AKAP9: variants seen among roughly 807,000 people sequenced by gnomAD.
AKAP9 encodes the protein A-kinase anchor protein 9.
A neutral mutation model predicts 488.5 loss-of-function variants in AKAP9; 311 were observed. The observed-to-expected ratio is 0.64, with a 90% CI of 0.58 to 0.70. AKAP9 has a LOEUF of 0.70. Among genes scored for constraint, AKAP9 ranks in the 30% least tolerant of loss-of-function variants. AKAP9 has a pLI of 0.00. For missense variants in AKAP9, 4,215 were observed against 4,374.5 expected (o/e 0.96, Z 1.03); for synonymous variants, 1,462 against 1,483.5 (o/e 0.99, Z 0.33).
At chr7:91,962,030 A>G (rs1584592927) in intron 1 of AKAP9, among the ~76,000 whole-genome samples, 1 of 152,320 alleles carries the variant, frequency 6.6e-6, no homozygotes, top group East Asian at 1.9e-4. Context: ...TAACATTTTT[A>G]TAATTGGCTT....
At chr7:92,095,293 C>A in intron 40 of AKAP9, 120 bp downstream of exon 40, 2 of 1,115,390 alleles carry the variant, frequency 1.8e-6, no homozygotes, top group East Asian at 2.5e-5. Flanking sequence ...GTAAGTTGTT[C>A]ACTGTGCATT....
intron 22 of AKAP9, among the ~76,000 whole-genome samples, chr7:92,054,471 C>T (rs1808455130): frequency 6.6e-6 from 1 of 151,832 alleles, no homozygotes; most frequent in African/African-American, 2.4e-5. Context: ...ACTCTGAGAC[C>T]AGAGAAGAGA....
intron 22 of AKAP9, among the ~76,000 whole-genome samples, chr7:92,060,563 T>G (rs1809595206): frequency 6.6e-6 from 1 of 152,140 alleles, no homozygotes; most frequent in Non-Finnish European, 1.5e-5. Flanking sequence ...TCTATCATCT[T>G]AAAAAATTGT....
chr7:92,108,342 C>T lies in AKAP9; in HGVS notation c.11547-152C>T, dbSNP rs1818865965. On this transcript the variant is annotated intron_variant, in intron 48 of 49. Transcript: ENST00000356239. ...GAATTCATTGGAGAGTTGTCTCTTT[C>T]TCATCCCAAGCTCCAAAGCTGAAGC... 8 of 746,138 alleles carry T rather than the reference C, an allele frequency of 1.1e-5. No individual in the cohort carries two copies. The Admixed American group carries it at 1.6e-4, about 15-fold the overall frequency. 46.2% of individuals were successfully genotyped at this position (746,138 alleles called of 1,614,324 possible).
At position 92,079,466 on chromosome 7, in the gene AKAP9, A is replaced by G; in HGVS notation, c.7333A>G (p.Ser2445Gly). ...RERESVEKIQ[S>G]IPENSVNVAI... is the part of the protein sequence containing the mutation. The stretch of plus-strand genomic sequence containing the variant: ...ACGTGAAAGTGTGGAAAAGATTCAA[A>G]GCATACCAGAGAATAGTGTTAACGT... Residue 2445 changes from serine to glycine, a missense_variant, in exon 31 of 50, where the codon AGC (serine) becomes GGC (glycine). By Grantham distance (56) the Ser-to-Gly change is moderately conservative. Around this residue, in one of 5 missense-constraint regions of AKAP9, gnomAD observed 1,476 missense variants for 1,477.4 expected, o/e 1.00. Coordinates refer to ENST00000356239, the MANE Select transcript of AKAP9 (RefSeq NM_005751.5). 3 of 1,614,038 alleles carry G rather than the reference A, an allele frequency of 1.9e-6. No individual in the cohort carries two copies. The highest frequency in any genetic ancestry group is 8.5e-7 in the Non-Finnish European group (1 of 1,179,994).
chr7:92,086,228 G>A lies in AKAP9; in HGVS notation c.9025G>A (p.Val3009Ile). The change falls in exon 37 of 50, where the codon GTT becomes ATT. Residue 3009 changes from valine to isoleucine, a missense_variant and splice_region_variant. Physicochemically the swap from Val to Ile is conservative, Grantham distance 29. Coordinates refer to ENST00000356239, the MANE Select transcript of AKAP9 (RefSeq NM_005751.5). Reference protein sequence around the residue: ...TKMQLQREAEVYDSSQSHESF... With the variant: ...TKMQLQREAEIYDSSQSHESF... ...ACTATCGTTATATGTACTTTGCTAG[G>A]TTTATGATAGTTCTCAATCTCATGA... The A allele has an allele frequency of 1.9e-6, 3 of 1,613,210 alleles. No individual in the cohort carries two copies. Among genetic ancestry groups the A allele is most frequent in the Non-Finnish European group, 2.5e-6 (3 of 1,179,226 alleles).
Position 91,940,905 on chromosome 7 carries a change from G to A in AKAP9, c.-195G>A, listed in dbSNP as rs1267949025. On this transcript the variant is annotated 5_prime_UTR_variant, in exon 1 of 50. Transcript: ENST00000356239. ...AGATGGCGGCGGCGGCGGCGGTGAC[G>A]GCGCTTCCCGTGCGGCTGAGGACGA... The A allele has an allele frequency of 9.5e-6, 6 of 632,296 alleles. No individual in the cohort carries two copies. Among genetic ancestry groups the A allele is most frequent in the Admixed American group, 2.6e-5 (1 of 37,800 alleles). The allele number at this position is 632,296 out of a possible 1,614,324, so 39.2% of individuals were successfully genotyped here.
chr7:92,003,336 A>C (rs1399960908), intron 8 of AKAP9, 101 bp downstream of exon 8: 22 of 901,078 alleles, frequency 2.4e-5, no homozygotes, highest in Non-Finnish European at 3.7e-5. Flanking sequence ...TCCTTACAAG[A>C]GAATGAAAAT....
At position 92,102,542 on chromosome 7, in the gene AKAP9, C is replaced by G. The variant is rs909831004; in HGVS notation, c.11098-52C>G. The G allele has an allele frequency of 6.0e-6, 9 of 1,502,174 alleles. No homozygotes were observed. The Admixed American group carries it at 6.7e-5, about 11-fold the overall frequency. 93.1% of individuals were successfully genotyped at this position (1,502,174 alleles called of 1,614,324 possible). Reference sequence around the variant, plus strand: ...ATCTAGGTTATTTTCCCCTAGAGAGCAGGGTGAATGTTTTCTTAATGTCTT... The same window carrying G: ...ATCTAGGTTATTTTCCCCTAGAGAGGAGGGTGAATGTTTTCTTAATGTCTT... On this transcript the variant is annotated intron_variant, in intron 45 of 49. Coordinates refer to ENST00000356239, the MANE Select transcript of AKAP9 (RefSeq NM_005751.5).
chr7:92,093,447 A>T lies in AKAP9; in HGVS notation c.9578+131A>T, dbSNP rs558375638. On this transcript the variant is annotated intron_variant, in intron 39 of 49. Coordinates refer to ENST00000356239, the MANE Select transcript of AKAP9 (RefSeq NM_005751.5). Reference sequence around the variant, plus strand: ...GCATGCAACTGTTTTTTTTAGGAAAAACTATAATAGAAAAAACTCTAAATG... The same window carrying T: ...GCATGCAACTGTTTTTTTTAGGAAATACTATAATAGAAAAAACTCTAAATG... The T allele has an allele frequency of 3.8e-5, 30 of 796,526 alleles. No homozygotes were observed. In the South Asian group the frequency reaches 4.4e-4, roughly 12 times the overall value. The allele number at this position is 796,526 out of a possible 1,614,324, so 49.3% of individuals were successfully genotyped here.
At chr7:92,056,802 G>A (rs895219066) in intron 22 of AKAP9, among the ~76,000 whole-genome samples, 2 of 151,666 alleles carry the variant, frequency 1.3e-5, no homozygotes, top group Admixed American at 6.6e-5. Flanking sequence ...GATTTGTGTT[G>A]GTATTACCTA....
At chr7:91,984,520 T>G (rs952326079) in intron 3 of AKAP9, among the ~76,000 whole-genome samples, 59 of 152,190 alleles carry the variant, frequency 3.9e-4, no homozygotes, top group Admixed American at 3.2e-3. Context: ...TCATGCTGTT[T>G]TGGTTACTGT....
intron 12 of AKAP9, among the ~76,000 whole-genome samples, chr7:92,021,254 A>G (rs977419884): frequency 6.6e-6 from 1 of 152,116 alleles, no homozygotes; most frequent in African/African-American, 2.4e-5. Context: ...GCCGTTCTCT[A>G]ATTGTTTATT....
At chr7:92,072,052 C>A (rs1811821167) in intron 28 of AKAP9, among the ~76,000 whole-genome samples, 1 of 152,020 alleles carries the variant, frequency 6.6e-6, no homozygotes, top group Non-Finnish European at 1.5e-5. Context: ...TTAAAGATTT[C>A]CCTTAAACTG....
chr7:92,086,354 GC>G lies in AKAP9; in HGVS notation c.9152del (p.Ala3051ValfsTer2). The part of the protein sequence containing the change: ...LLAAFRTELT[A>X]LGTTDAVGLL... The stretch of plus-strand genomic sequence containing the variant: ...AGCAGCATTTCGGACGGAGCTGACA[GC>G]TCTAGGTACTACAGATGCAGTTGGT... On this transcript the variant is annotated frameshift_variant, in exon 37 of 50. Coordinates refer to ENST00000356239, the MANE Select transcript of AKAP9 (RefSeq NM_005751.5). LOFTEE classifies it high-confidence loss of function. The G allele has an allele frequency of 6.2e-7, 1 of 1,614,050 alleles. No homozygotes were observed. Among genetic ancestry groups the G allele is most frequent in the Non-Finnish European group, 8.5e-7 (1 of 1,179,978 alleles).
In AKAP9 at chr7:92,038,440, G is replaced by T; in HGVS notation, c.4360G>T (p.Ala1454Ser). ...VAKVIVSMSI[A>S]FAQQTELSRI... ...TTAGGTTATTGTGTCAATGAGTATA[G>T]CATTTGCTCAACAAACTGAACTGTC... Residue 1454 changes from alanine to serine, a missense_variant, in exon 17 of 50, where the codon GCA becomes TCA. This residue lies in a region of AKAP9 where 2,361 missense variants were observed against 2,430.0 expected (regional missense o/e 0.97). Transcript: ENST00000356239. The T allele has an allele frequency of 6.2e-7, 1 of 1,613,140 alleles. No individual in the cohort carries two copies. The highest frequency in any genetic ancestry group is 8.5e-7 in the Non-Finnish European group (1 of 1,179,324).
intron 22 of AKAP9, chr7:92,058,231 A>G: frequency 1.7e-6 from 1 of 591,468 alleles, no homozygotes; most frequent in Non-Finnish European, 3.4e-6. Flanking sequence ...TAGAAGAGCA[A>G]GATGAAGACA....
At chr7:92,096,363 CTCACTCTG>C (rs1816575549) in intron 40 of AKAP9, among the ~76,000 whole-genome samples, 1 of 133,074 alleles carries the variant, frequency 7.5e-6, no homozygotes, top group African/African-American at 2.9e-5. Flanking sequence ...AGTCAAAAGT[CTCACTCTG>C]TTGCTCACGC....
In AKAP9 at chr7:92,070,932, G is replaced by A; in HGVS notation, c.6535G>A (p.Val2179Ile). ...AGAGGACCGAAAACACTTTGGAGCT[G>A]TAGAAGCTAAACCAGAATTGTCCCT... Reference protein sequence around the residue: ...KVEDRKHFGAVEAKPELSLEV... With the variant: ...KVEDRKHFGAIEAKPELSLEV... Residue 2179 changes from valine (V) to isoleucine (I), a missense_variant, in exon 28 of 50, where the codon GTA becomes ATA. Coordinates refer to ENST00000356239, the MANE Select transcript of AKAP9 (RefSeq NM_005751.5). 6.2e-7 allele frequency: 1 copy of A among 1,613,782 alleles called. No homozygotes were observed. The highest frequency in any genetic ancestry group is 8.5e-7 in the Non-Finnish European group (1 of 1,179,864).
Sources: allele counts gnomAD v4.1 joint callset (sites outside exome capture counted in the v4.1 genomes callset), GRCh38; gene constraint gnomAD v4.1.1; regional missense constraint gnomAD v4.1.1; transcripts MANE v1.5; gene names NCBI Gene and HGNC (gene_info 2026-07-23, HGNC 2026-07-21).